The following TRAPPC9 variants were observed in gnomAD, a reference collection of about 807,000 sequenced individuals.
TRAPPC9 encodes trafficking protein particle complex subunit 9.
A neutral mutation model predicts 124.0 loss-of-function variants in TRAPPC9; 83 were observed. That is an observed-to-expected ratio of 0.67 (90% CI 0.56 to 0.80). The LOEUF is 0.80. TRAPPC9 is among the 30% of genes least tolerant of loss of function. The pLI is 0.00. For missense variants in TRAPPC9, 1,302 were observed against 1,508.3 expected, an observed-to-expected ratio of 0.86 and a Z score of 2.27; for synonymous variants, 638 against 617.5, an observed-to-expected ratio of 1.03 and a Z score of -0.49.
rs1284395788 is a variant in TRAPPC9 at position 140,087,539 on chromosome 8, C to G, written c.2557-63460G>C. On this transcript the variant is annotated intron_variant, in intron 17 of 22. Coordinates refer to ENST00000438773, the MANE Select transcript of TRAPPC9 (RefSeq NM_001160372.4). This position sits in a 1 kb window ranked among gnomAD's most constrained non-coding sequence, Gnocchi z 4.6. ...CATTCTAATCCCCACCGAGCTTCCT[C>G]CATCTCAGTAAATAAAACAACCACC... Among the ~76,000 whole-genome samples the G allele has an allele frequency of 6.6e-6, 1 of 152,204 alleles. No individual in the cohort carries two copies. Among genetic ancestry groups the G allele is most frequent in the East Asian group, 1.9e-4 (1 of 5,194 alleles).
chr8:140,381,407 C>A (rs927815839), intron 7 of TRAPPC9, among the ~76,000 whole-genome samples: 7 of 151,990 alleles, frequency 4.6e-5, no homozygotes, highest in Admixed American at 4.6e-4. Context: ...GTGGCTCGCG[C>A]CTGTAATTCC....
At chr8:139,978,903 GT>G (rs34720118) in intron 19 of TRAPPC9, among the ~76,000 whole-genome samples, 117,270 of 151,964 alleles carry the variant, frequency 0.77, 46,240 homozygotes, top group East Asian at 0.95. Flanking sequence ...GAGCACTCTG[GT>G]TTTTTTTCCA....
At chr8:140,195,520 CAAT>C (rs888563650) in intron 17 of TRAPPC9, among the ~76,000 whole-genome samples, 7 of 151,808 alleles carry the variant, frequency 4.6e-5, no homozygotes, top group African/African-American at 1.2e-4. Context: ...AAAACACACT[CAAT>C]GATCCACTAC....
chr8:140,127,149 A>G (rs1004029231), intron 17 of TRAPPC9, among the ~76,000 whole-genome samples: 2 of 152,244 alleles, frequency 1.3e-5, no homozygotes, highest in African/African-American at 4.8e-5. Flanking sequence ...AAAGGCATTT[A>G]GCATGGCACT....
intron 21 of TRAPPC9, among the ~76,000 whole-genome samples, chr8:139,778,336 G>A (rs888764045): frequency 6.6e-6 from 1 of 152,178 alleles, no homozygotes; most frequent in Non-Finnish European, 1.5e-5. Flanking sequence ...TAATTTAACT[G>A]TATCTTAGCA....
intron 19 of TRAPPC9, among the ~76,000 whole-genome samples, chr8:139,946,789 G>A (rs541089202): frequency 5.8e-4 from 88 of 151,324 alleles, no homozygotes; most frequent in African/African-American, 1.9e-3. Context: ...GACCATCCTG[G>A]CTAACACGGT....
chr8:139,887,622 G>A (rs986418661), intron 20 of TRAPPC9, among the ~76,000 whole-genome samples: 1 of 152,128 alleles, frequency 6.6e-6, no homozygotes, highest in Non-Finnish European at 1.5e-5. Context: ...TGTTCTGCCT[G>A]GAAATGTCTT....
At chr8:140,405,126 C>T (rs1287949641) in intron 6 of TRAPPC9, among the ~76,000 whole-genome samples, 1 of 152,028 alleles carries the variant, frequency 6.6e-6, no homozygotes, top group Non-Finnish European at 1.5e-5. Flanking sequence ...GTTTTCAATC[C>T]AAACTAAAAA....
chr8:140,309,563 C>T (rs1257406142), intron 10 of TRAPPC9, among the ~76,000 whole-genome samples: 1 of 152,230 alleles, frequency 6.6e-6, no homozygotes, highest in Non-Finnish European at 1.5e-5. Flanking sequence ...CCAGAATGTT[C>T]TGTAAGCTTC....
intron 5 of TRAPPC9, among the ~76,000 whole-genome samples, chr8:140,418,698 C>G (rs562421131): frequency 6.6e-6 from 1 of 150,778 alleles, no homozygotes; most frequent in African/African-American, 2.4e-5. Flanking sequence ...CCAGCCTGGG[C>G]GACAAAGCGA....
intron 15 of TRAPPC9, among the ~76,000 whole-genome samples, chr8:140,267,232 G>T (rs569704419): frequency 3.3e-5 from 5 of 152,218 alleles, no homozygotes; most frequent in Admixed American, 3.3e-4. Context: ...AGGGATGGAA[G>T]GAAAAGGAAA....
chr8:140,072,553 G>A (rs1168348230), intron 17 of TRAPPC9, among the ~76,000 whole-genome samples: 2 of 114,176 alleles, frequency 1.8e-5, no homozygotes, highest in Non-Finnish European at 3.8e-5. Flanking sequence ...GGAGGAAGAG[G>A]AGGAGGAGGA....
intron 11 of TRAPPC9, among the ~76,000 whole-genome samples, chr8:140,293,191 C>T (rs1276615662): frequency 1.3e-4 from 19 of 148,436 alleles, no homozygotes; most frequent in African/African-American, 4.1e-4. Flanking sequence ...GTTAGAATGG[C>T]GATCATTAAA....
intron 14 of TRAPPC9, among the ~76,000 whole-genome samples, chr8:140,278,272 T>G (rs1465895698): frequency 6.6e-6 from 1 of 152,062 alleles, no homozygotes; most frequent in Non-Finnish European, 1.5e-5. Context: ...CCCAGCTAAT[T>G]TTTTTGTATT....
intron 21 of TRAPPC9, among the ~76,000 whole-genome samples, chr8:139,783,234 A>G (rs989598187): frequency 6.6e-6 from 1 of 152,172 alleles, no homozygotes; most frequent in African/African-American, 2.4e-5. Context: ...AAAAAAATCA[A>G]TGAAACCAAA....
intron 17 of TRAPPC9, among the ~76,000 whole-genome samples, chr8:140,219,073 C>T (rs1365184214): frequency 2.0e-5 from 3 of 152,084 alleles, no homozygotes; most frequent in Non-Finnish European, 2.9e-5. Flanking sequence ...ACAGCAGACC[C>T]GCCAGAAATT....
At chr8:139,750,257 T>G (rs1819223829) in intron 21 of TRAPPC9, among the ~76,000 whole-genome samples, 1 of 152,134 alleles carries the variant, frequency 6.6e-6, no homozygotes, top group African/African-American at 2.4e-5. Context: ...GGGTCCCAGA[T>G]GTGCACAGGA....
Position 140,370,963 on chromosome 8 carries a change from C to T in TRAPPC9, c.1351+1G>A, listed in dbSNP as rs2068263969. 1.1e-5 allele frequency: 17 copies of T among 1,613,906 alleles called. No homozygotes were observed. Among genetic ancestry groups the T allele is most frequent in the Non-Finnish European group, 1.4e-5 (17 of 1,180,046 alleles). ...TAGCGCCAGCAAGGGGACTCCAGTA[C>T]CTCTGCTGAAATCTTTGGGATCCAG... On this transcript the variant is annotated splice_donor_variant, in intron 8 of 22. Transcript: ENST00000438773. LOFTEE classifies it high-confidence loss of function.
intron 19 of TRAPPC9, among the ~76,000 whole-genome samples, chr8:139,977,608 ACT>A (rs1272330461): frequency 4.2e-5 from 4 of 96,080 alleles, no homozygotes; most frequent in Admixed American, 3.3e-4. Context: ...ACAGAGTGAG[ACT>A]CTGTCTCAAA....
Sources: allele counts gnomAD v4.1 joint callset (sites outside exome capture counted in the v4.1 genomes callset), GRCh38; gene constraint gnomAD v4.1.1; non-coding constraint Gnocchi (gnomAD v3.1); transcripts MANE v1.5; gene names NCBI Gene and HGNC (gene_info 2026-07-23, HGNC 2026-07-21).